The following CALN1 variants were observed in gnomAD, a reference collection of about 807,000 sequenced individuals.
The protein encoded by CALN1 is calcium-binding protein 8.
In CALN1, 17 loss-of-function variants were observed where a neutral mutation model predicts 30.6. The ratio of observed to expected loss-of-function variants is 0.56; its 90% CI spans 0.38 to 0.83. The LOEUF (loss-of-function observed/expected upper bound fraction) is 0.83. Ranked by LOEUF, CALN1 falls within the 40% of genes least tolerant of loss-of-function variation. CALN1 has a pLI of 0.00. For synonymous variants in CALN1, 156 were observed against 131.4 expected, an observed-to-expected ratio of 1.19 and a Z score of -1.28; for missense variants, 291 against 354.9, an observed-to-expected ratio of 0.82 and a Z score of 1.45.
At chr7:72,307,733 C>G (rs1799748879) in intron 2 of CALN1, among the ~76,000 whole-genome samples, 1 of 152,146 alleles carries the variant, frequency 6.6e-6, no homozygotes, top group Admixed American at 6.5e-5. Flanking sequence ...GACACAGACA[C>G]TAGTGCCCTG....
At chr7:72,408,289 A>T (rs963809576) in intron 1 of CALN1, among the ~76,000 whole-genome samples, 13 of 148,672 alleles carry the variant, frequency 8.7e-5, no homozygotes, top group African/African-American at 3.2e-4. Context: ...AAAAAAAAAA[A>T]AATTAGTAGT....
chr7:72,039,065 T>C (rs755077212), intron 4 of CALN1, among the ~76,000 whole-genome samples: 4 of 152,238 alleles, frequency 2.6e-5, no homozygotes, highest in Non-Finnish European at 4.4e-5. Context: ...CCTGTAACAC[T>C]ATGAGCTAGA....
chr7:72,094,184 G>A (rs1229729280), intron 4 of CALN1, among the ~76,000 whole-genome samples: 1 of 152,224 alleles, frequency 6.6e-6, no homozygotes, highest in East Asian at 1.9e-4. Flanking sequence ...GGGAATAGGT[G>A]TAACAATGGA....
chr7:72,417,907 C>T (rs1807472631), intron 1 of CALN1, among the ~76,000 whole-genome samples: 1 of 152,200 alleles, frequency 6.6e-6, no homozygotes, highest in Non-Finnish European at 1.5e-5. Context: ...GCTCCTCCCT[C>T]TGCTGAGCTG....
intron 5 of CALN1, among the ~76,000 whole-genome samples, chr7:71,956,347 T>C (rs577022695): frequency 5.9e-5 from 9 of 152,120 alleles, no homozygotes; most frequent in African/African-American, 1.7e-4. Context: ...AGTAGGATGA[T>C]TGAGGGCACA....
At position 71,783,929 on chromosome 7, in the gene CALN1, C is replaced by T. The variant is rs1230148054; in HGVS notation, c.*3846G>A. On this transcript the variant is annotated 3_prime_UTR_variant, in exon 7 of 7. Transcript: ENST00000395275. ...GAGAAAGAAGACTCATAAGACACAT[C>T]TTGTTCTCTGCAAATAAAACACCCA... 6.6e-6 allele frequency: 1 copy of T among 152,256 alleles called. No homozygotes were observed. The highest frequency in any genetic ancestry group is 2.4e-5 in the African/African-American group (1 of 41,464). 9.4% of individuals were successfully genotyped at this position (152,256 alleles called of 1,614,324 possible).
chr7:71,871,186 GCTTTA>G (rs988426278), intron 5 of CALN1, among the ~76,000 whole-genome samples: 32 of 152,098 alleles, frequency 2.1e-4, no homozygotes, highest in South Asian at 8.3e-4. Flanking sequence ...ATTAAATACA[GCTTTA>G]TTTATTCATT....
rs754201004 is a variant in CALN1, at chr7:72,016,998, C to CAAAAAAAAAAAAAAAAAAAAAAAAAAAAA, written c.501+6658_501+6659insTTTTTTTTTTTTTTTTTTTTTTTTTTTTT. Among the ~76,000 whole-genome samples, 17 of 31,958 alleles carry CAAAAAAAAAAAAAAAAAAAAAAAAAAAAA rather than the reference C, an allele frequency of 5.3e-4. 3 individuals are homozygous for CAAAAAAAAAAAAAAAAAAAAAAAAAAAAA. Among genetic ancestry groups the CAAAAAAAAAAAAAAAAAAAAAAAAAAAAA allele is most frequent in the East Asian group, 2.0e-3 (2 of 994 alleles). The allele number at this position is 31,958 out of a possible 152,430, so 21.0% of individuals were successfully genotyped here. A position where few individuals can be genotyped will look rare whatever the true frequency, so the allele number is the denominator to read the frequency against. Reference sequence around the variant, plus strand: ...CAAAACCCCGTGTTTACTAAAAATACAAAAAAAAAAAAAAAAAAAGCTGGG... The same window carrying CAAAAAAAAAAAAAAAAAAAAAAAAAAAAA: ...CAAAACCCCGTGTTTACTAAAAATACAAAAAAAAAAAAAAAAAAAAAAAAAAAAAAAAAAAAAAAAAAAAAAAAGCTGGG... On this transcript the variant is annotated intron_variant, in intron 5 of 6. Transcript: ENST00000395275.
At chr7:71,937,021 T>A (rs1399792537) in intron 5 of CALN1, among the ~76,000 whole-genome samples, 1 of 152,166 alleles carries the variant, frequency 6.6e-6, no homozygotes, top group Non-Finnish European at 1.5e-5. Flanking sequence ...ATTAAACCTC[T>A]TTTTCTTCCC....
At chr7:72,348,246 T>C (rs1034115550) in intron 2 of CALN1, among the ~76,000 whole-genome samples, 2 of 152,242 alleles carry the variant, frequency 1.3e-5, no homozygotes, top group South Asian at 2.1e-4. Context: ...TTTTCTGTAA[T>C]TGGACAGCAG....
intron 5 of CALN1, among the ~76,000 whole-genome samples, chr7:71,886,309 C>A (rs1277129345): frequency 6.6e-6 from 1 of 152,234 alleles, no homozygotes. Flanking sequence ...ATAGGCTGGC[C>A]TGAAGTGCCC....
At chr7:71,871,304 T>C (rs1039725769) in intron 5 of CALN1, among the ~76,000 whole-genome samples, 4 of 152,182 alleles carry the variant, frequency 2.6e-5, no homozygotes, top group Non-Finnish European at 5.9e-5. Context: ...CTGACCTTTT[T>C]CCAATTAGCG....
chr7:72,389,739 G>C (rs1477675308), intron 2 of CALN1, among the ~76,000 whole-genome samples: 4 of 152,108 alleles, frequency 2.6e-5, no homozygotes, highest in Non-Finnish European at 5.9e-5. Flanking sequence ...GGCCAACATG[G>C]TGAAACCCTG....
intron 5 of CALN1, among the ~76,000 whole-genome samples, chr7:71,960,602 T>C (rs2129525107): frequency 6.6e-6 from 1 of 152,330 alleles, no homozygotes; most frequent in South Asian, 2.1e-4. Context: ...GTTGATTCCA[T>C]ATCTTTGCTA....
At chr7:71,963,873 C>G (rs1797392544) in intron 5 of CALN1, among the ~76,000 whole-genome samples, 1 of 152,178 alleles carries the variant, frequency 6.6e-6, no homozygotes, top group Non-Finnish European at 1.5e-5. Flanking sequence ...AGTAACTCAT[C>G]TAACATAAGA....
intron 5 of CALN1, among the ~76,000 whole-genome samples, chr7:72,015,010 T>C (rs1800297741): frequency 6.7e-6 from 1 of 149,730 alleles, no homozygotes; most frequent in Non-Finnish European, 1.5e-5. Flanking sequence ...TAAGTTAGTA[T>C]TATTTGATTG....
intron 3 of CALN1, among the ~76,000 whole-genome samples, chr7:72,198,752 T>C (rs2129547297): frequency 6.6e-6 from 1 of 152,326 alleles, no homozygotes; most frequent in South Asian, 2.1e-4. Flanking sequence ...TGTGTCACTT[T>C]GCACACTATA....
At chr7:71,985,410 G>A (rs759464018) in intron 5 of CALN1, among the ~76,000 whole-genome samples, 15 of 151,996 alleles carry the variant, frequency 9.9e-5, no homozygotes, top group Admixed American at 2.6e-4. Context: ...TTGGGAAGCC[G>A]AGGTGGAAGG....
chr7:72,309,358 C>T (rs1298526662), intron 2 of CALN1, among the ~76,000 whole-genome samples: 1 of 152,104 alleles, frequency 6.6e-6, no homozygotes, highest in Admixed American at 6.6e-5. Context: ...CAAATAAATC[C>T]ACTGGCACCC....
Sources: gnomAD v4.1 joint callset for allele counts (sites outside exome capture counted in the v4.1 genomes callset) on GRCh38, gnomAD v4.1.1 for gene constraint, MANE v1.5 for transcripts, NCBI Gene and HGNC (gene_info 2026-07-23, HGNC 2026-07-21) for gene names.